Variants in ADAMTS6 observed in about 807,000 individuals in gnomAD.
ADAMTS6 encodes ADAM metallopeptidase with thrombospondin type 1 motif 6.
In ADAMTS6, 23 loss-of-function variants were observed where a neutral mutation model predicts 144.3. That is an observed-to-expected ratio of 0.16 (90% confidence interval 0.11 to 0.23). The LOEUF is 0.23. Among genes scored for constraint, ADAMTS6 ranks in the 10% least tolerant of loss-of-function variants. ADAMTS6 has a pLI of 1.00. For missense variants in ADAMTS6, 999 were observed against 1,379.6 expected (o/e 0.72, Z 4.37); for synonymous variants, 444 against 457.5 (o/e 0.97, Z 0.38).
intron 24 of ADAMTS6, among the ~76,000 whole-genome samples, chr5:65,167,139 G>T (rs1228939950): frequency 6.9e-6 from 1 of 145,038 alleles, no homozygotes; most frequent in Non-Finnish European, 1.5e-5. Context: ...CTGCTAGCAA[G>T]ACTAATAAAG....
chr5:65,394,390 A>G (rs1166835922), intron 7 of ADAMTS6, among the ~76,000 whole-genome samples: 1 of 152,226 alleles, frequency 6.6e-6, no homozygotes, highest in African/African-American at 2.4e-5. Flanking sequence ...TTAGAGACCT[A>G]GCCAGAACTG....
intron 7 of ADAMTS6, among the ~76,000 whole-genome samples, chr5:65,427,320 T>A (rs1237419945): frequency 6.6e-6 from 1 of 152,040 alleles, no homozygotes; most frequent in Non-Finnish European, 1.5e-5. Context: ...TATTTTTTTT[T>A]AGAGACTGGG....
At chr5:65,268,978 C>T (rs977256226) in intron 12 of ADAMTS6, among the ~76,000 whole-genome samples, 1 of 152,002 alleles carries the variant, frequency 6.6e-6, no homozygotes, top group Admixed American at 6.5e-5. Context: ...GCTGGCTAGA[C>T]AGTGTATAGG....
intron 7 of ADAMTS6, among the ~76,000 whole-genome samples, chr5:65,413,724 GTACATTAATAAAATAAAATA>G (rs1755258125): frequency 6.6e-6 from 1 of 151,896 alleles, no homozygotes; most frequent in Non-Finnish European, 1.5e-5. Context: ...AAAATATAAT[GTACATTAATAAAATAAAATA>G]TACATGTTAT....
intron 8 of ADAMTS6, among the ~76,000 whole-genome samples, chr5:65,332,287 GTATATA>G (rs367547551): frequency 0.03 from 3,573 of 117,908 alleles, 145 homozygotes; most frequent in African/African-American, 0.097. Flanking sequence ...GACAGTGAGG[GTATATA>G]TATATATATA....
intron 7 of ADAMTS6, among the ~76,000 whole-genome samples, chr5:65,356,174 A>G (rs2150097119): frequency 6.6e-6 from 1 of 152,032 alleles, no homozygotes; most frequent in Admixed American, 6.6e-5. Context: ...CATACATTCA[A>G]TTCATCAATA....
intron 8 of ADAMTS6, among the ~76,000 whole-genome samples, chr5:65,331,936 T>C (rs1348269668): frequency 6.6e-6 from 1 of 151,836 alleles, no homozygotes; most frequent in Non-Finnish European, 1.5e-5. Flanking sequence ...ATAACTTATA[T>C]TGAGCTTGAA....
At chr5:65,362,026 C>A (rs1420456121) in intron 7 of ADAMTS6, among the ~76,000 whole-genome samples, 1 of 152,178 alleles carries the variant, frequency 6.6e-6, no homozygotes, top group African/African-American at 2.4e-5. Context: ...AGAGCCACTG[C>A]AGACGGCCTA....
intron 21 of ADAMTS6, among the ~76,000 whole-genome samples, chr5:65,192,803 G>A (rs1755099535): frequency 6.6e-6 from 1 of 151,740 alleles, no homozygotes; most frequent in Non-Finnish European, 1.5e-5. Context: ...ACTCCTCTGG[G>A]TCTTCAAAGT....
At chr5:65,155,374 C>T (rs1361644341) in intron 24 of ADAMTS6, among the ~76,000 whole-genome samples, 1 of 152,030 alleles carries the variant, frequency 6.6e-6, no homozygotes, top group African/African-American at 2.4e-5. Flanking sequence ...GATGGTATAG[C>T]CTATTGTACA....
At chr5:65,469,564 T>C (rs1014177729) in intron 3 of ADAMTS6, among the ~76,000 whole-genome samples, 2 of 152,224 alleles carry the variant, frequency 1.3e-5, no homozygotes, top group Admixed American at 6.5e-5. Flanking sequence ...ACACTGCTTA[T>C]AGAGAAACTA....
intron 24 of ADAMTS6, among the ~76,000 whole-genome samples, chr5:65,167,341 TGA>T (rs1753239036): frequency 6.6e-6 from 1 of 152,098 alleles, no homozygotes; most frequent in Non-Finnish European, 1.5e-5. Flanking sequence ...AGGAAGAAGT[TGA>T]ATCTCTGAAT....
intron 7 of ADAMTS6, among the ~76,000 whole-genome samples, chr5:65,410,234 G>T (rs1754934776): frequency 6.6e-6 from 1 of 152,046 alleles, no homozygotes; most frequent in African/African-American, 2.4e-5. Context: ...CGCAACAAAA[G>T]TCAATGTATT....
At chr5:65,370,681 G>A (rs1471894017) in intron 7 of ADAMTS6, among the ~76,000 whole-genome samples, 1 of 152,202 alleles carries the variant, frequency 6.6e-6, no homozygotes, top group Non-Finnish European at 1.5e-5. Flanking sequence ...AACGGCAAAG[G>A]GCAGCGAGGC....
chr5:65,153,149 A>C (rs1752223276), intron 24 of ADAMTS6, among the ~76,000 whole-genome samples: 1 of 152,222 alleles, frequency 6.6e-6, no homozygotes, highest in African/African-American at 2.4e-5. Flanking sequence ...CCCAGTTCTT[A>C]TTATTGAATA....
At chr5:65,452,292 A>G in intron 5 of ADAMTS6, 76 bp from the exon 6 acceptor site, 1 of 1,283,470 alleles carries the variant, frequency 7.8e-7, no homozygotes, top group Non-Finnish European at 1.1e-6. Context: ...TTTAAGTGCT[A>G]AAACAATTTT....
chr5:65,476,103 C>T (rs1222289264), intron 1 of ADAMTS6, among the ~76,000 whole-genome samples: 1 of 152,210 alleles, frequency 6.6e-6, no homozygotes, highest in African/African-American at 2.4e-5. Context: ...AGCAAGCAAG[C>T]TGTCATTTGT....
intron 7 of ADAMTS6, among the ~76,000 whole-genome samples, chr5:65,397,000 G>C (rs995998523): frequency 1.3e-5 from 2 of 152,146 alleles, no homozygotes; most frequent in Non-Finnish European, 2.9e-5. Context: ...TTAACTGTTG[G>C]TTCCATTTCT....
chr5:65,175,880 A>T (rs1401597167), intron 22 of ADAMTS6, among the ~76,000 whole-genome samples: 1 of 152,190 alleles, frequency 6.6e-6, no homozygotes, highest in Non-Finnish European at 1.5e-5. Flanking sequence ...AGGAAAAAAA[A>T]AAAAAACATC....
Sources: gnomAD v4.1 joint callset for allele counts (sites outside exome capture counted in the v4.1 genomes callset) on GRCh38, gnomAD v4.1.1 for gene constraint, MANE v1.5 for transcripts, NCBI Gene and HGNC (gene_info 2026-07-23, HGNC 2026-07-21) for gene names.